NGF: variants seen among roughly 807,000 people sequenced by gnomAD.
The protein encoded by NGF is nerve growth factor.
Under a neutral mutation model 12.8 loss-of-function variants are expected in NGF, and 4 were observed. The ratio of observed to expected loss-of-function variants is 0.31; its 90% CI spans 0.15 to 0.72. The LOEUF (loss-of-function observed/expected upper bound fraction) is 0.72. NGF is among the 30% of genes least tolerant of loss of function. The probability of loss-of-function intolerance (pLI) is 0.69; values close to 1 mark genes in which losing one functional copy is unlikely to be tolerated. For synonymous variants in NGF, 140 were observed against 130.0 expected, an observed-to-expected ratio of 1.08 and a Z score of -0.52; for missense variants, 283 against 330.8, an observed-to-expected ratio of 0.86 and a Z score of 1.12.
chr1:115,288,193 A>G (rs1452576639), intron 2 of NGF, among the ~76,000 whole-genome samples: 1 of 152,160 alleles, frequency 6.6e-6, no homozygotes, highest in Non-Finnish European at 1.5e-5. Flanking sequence ...TTGTATGTGC[A>G]TATGTGTGTG....
chr1:115,290,628 C>T (rs1002166777), intron 2 of NGF, among the ~76,000 whole-genome samples: 25 of 152,138 alleles, frequency 1.6e-4, no homozygotes, highest in African/African-American at 4.8e-4. Context: ...TCTCTGATCT[C>T]GTGATCCGCC....
intron 1 of NGF, among the ~76,000 whole-genome samples, chr1:115,337,255 TG>T (rs375842730): frequency 1.5e-4 from 21 of 138,602 alleles, no homozygotes; most frequent in African/African-American, 5.3e-4. Context: ...AAATTTTTTT[TG>T]TTTTGTTTTT....
chr1:115,323,189 TCTAA>T (rs1654677278), intron 1 of NGF, among the ~76,000 whole-genome samples: 1 of 152,136 alleles, frequency 6.6e-6, no homozygotes, highest in South Asian at 2.1e-4. Context: ...TTATTACCTT[TCTAA>T]CTGAGAGAAC....
chr1:115,298,861 G>A (rs752518700), intron 1 of NGF, among the ~76,000 whole-genome samples: 2 of 151,946 alleles, frequency 1.3e-5, no homozygotes, highest in African/African-American at 4.8e-5. Flanking sequence ...AAACTCACTA[G>A]GAATGTCTTA....
At chr1:115,321,807 T>G (rs1310140360) in intron 1 of NGF, among the ~76,000 whole-genome samples, 2 of 152,156 alleles carry the variant, frequency 1.3e-5, no homozygotes, top group Admixed American at 1.3e-4. Flanking sequence ...AAAGTCTTCC[T>G]TGTAATTAAA....
chr1:115,330,888 G>C (rs181056136), intron 1 of NGF, among the ~76,000 whole-genome samples: 40 of 152,240 alleles, frequency 2.6e-4, no homozygotes, highest in Non-Finnish European at 4.1e-4. Flanking sequence ...TTACTGAGTA[G>C]GGTTGTGATT....
chr1:115,302,765 G>A (rs774622925), intron 1 of NGF, among the ~76,000 whole-genome samples: 23 of 152,172 alleles, frequency 1.5e-4, no homozygotes, highest in Non-Finnish European at 2.9e-4. Flanking sequence ...CTCCCTCTGT[G>A]CCGCAGCCAC....
chr1:115,300,849 A>G (rs1571079778), intron 1 of NGF, among the ~76,000 whole-genome samples: 1 of 152,206 alleles, frequency 6.6e-6, no homozygotes, highest in African/African-American at 2.4e-5. Context: ...GGCTTTAACT[A>G]TCTTAGTCCC....
chr1:115,293,868 C>G (rs1340814014), intron 1 of NGF, 118 bp from the exon 2 acceptor site: 1 of 152,606 alleles, frequency 6.6e-6, no homozygotes, highest in Non-Finnish European at 1.5e-5. Context: ...GGGATTTTAC[C>G]AGCATCAAGG....
chr1:115,294,672 G>A (rs1653809336), intron 1 of NGF, among the ~76,000 whole-genome samples: 1 of 152,250 alleles, frequency 6.6e-6, no homozygotes, highest in Admixed American at 6.5e-5. Context: ...GCTCAGCGAG[G>A]AGCTCTGAGG....
intron 1 of NGF, among the ~76,000 whole-genome samples, chr1:115,315,688 T>G (rs1654458266): frequency 6.6e-6 from 1 of 152,128 alleles, no homozygotes; most frequent in East Asian, 1.9e-4. Flanking sequence ...GATATAGACA[T>G]GTAGAGTTAG....
chr1:115,291,902 A>G (rs1004604278), intron 2 of NGF, among the ~76,000 whole-genome samples: 15 of 152,110 alleles, frequency 9.9e-5, no homozygotes, highest in Non-Finnish European at 2.2e-4. Flanking sequence ...TCTTAGAGAC[A>G]GCCATGCCAA....
chr1:115,305,316 G>A (rs531859227), intron 1 of NGF, among the ~76,000 whole-genome samples: 4 of 152,318 alleles, frequency 2.6e-5, no homozygotes, highest in Non-Finnish European at 5.9e-5. Flanking sequence ...CCTCAGTAGT[G>A]CTGTGGGGAA....
At chr1:115,316,913 C>T (rs1654488388) in intron 1 of NGF, among the ~76,000 whole-genome samples, 1 of 152,090 alleles carries the variant, frequency 6.6e-6, no homozygotes, top group Non-Finnish European at 1.5e-5. Context: ...CCAGATATGC[C>T]ATGCTGCTTT....
At chr1:115,294,260 G>A (rs993833266) in intron 1 of NGF, among the ~76,000 whole-genome samples, 2 of 152,154 alleles carry the variant, frequency 1.3e-5, no homozygotes, top group Non-Finnish European at 1.5e-5. Context: ...GAGAGAATGT[G>A]GAGCTCTCAC....
At chr1:115,322,928 T>C (rs1470034402) in intron 1 of NGF, among the ~76,000 whole-genome samples, 1 of 152,188 alleles carries the variant, frequency 6.6e-6, no homozygotes. Flanking sequence ...CTTCCCAAGA[T>C]TTTAATAATA....
intron 1 of NGF, among the ~76,000 whole-genome samples, chr1:115,319,947 G>A (rs7535026): frequency 0.59 from 90,355 of 152,004 alleles, 28,710 homozygotes; most frequent in Non-Finnish European, 0.72. Flanking sequence ...AGGGGGTGGC[G>A]AAGACCACAA....
chr1:115,319,809 T>C (rs1654568754), intron 1 of NGF, among the ~76,000 whole-genome samples: 1 of 152,188 alleles, frequency 6.6e-6, no homozygotes, highest in African/African-American at 2.4e-5. Context: ...AAGAACAATG[T>C]CAGCCTAGCA....
chr1:115,328,958 C>T (rs1313791399), intron 1 of NGF, among the ~76,000 whole-genome samples: 2 of 152,036 alleles, frequency 1.3e-5, no homozygotes, highest in South Asian at 2.1e-4. Context: ...CTGTGTTTGC[C>T]AGAGAAAAAG....
Sources: allele counts gnomAD v4.1 joint callset (sites outside exome capture counted in the v4.1 genomes callset), GRCh38; gene constraint gnomAD v4.1.1; transcripts MANE v1.5; gene names NCBI Gene and HGNC (gene_info 2026-07-23, HGNC 2026-07-21).